IDI2: variants seen among roughly 807,000 people sequenced by gnomAD.
IDI2 encodes the protein isopentenyl-diphosphate delta-isomerase 2.
A neutral mutation model predicts 14.8 loss-of-function variants in IDI2; 18 were observed. The observed-to-expected ratio is 1.22, with a 90% CI of 0.84 to 1.80. IDI2 has a LOEUF of 1.80. Ranked by LOEUF, IDI2 falls within the 40% of genes most tolerant of loss-of-function variation. The probability of loss-of-function intolerance (pLI) is 0.00; values close to 1 mark genes in which losing one functional copy is unlikely to be tolerated. For missense variants in IDI2, 316 were observed against 283.2 expected (o/e 1.12, Z -0.83); for synonymous variants, 133 against 109.6 (o/e 1.21, Z -1.33).
rs1380988443 is a variant in IDI2, at chr10:1,022,533, G to T, written c.235+150C>A. ...TACTGAAGAGCTATCAGCATAATTAGCATCTGCCTAAGCTGCCGATTTTCT... is the reference window on the plus strand; with the variant it reads ...TACTGAAGAGCTATCAGCATAATTATCATCTGCCTAAGCTGCCGATTTTCT... On this transcript the variant is annotated intron_variant, in intron 3 of 4. Transcript: ENST00000277517. The T allele has an allele frequency of 2.0e-5, 12 of 614,080 alleles. No individual in the cohort carries two copies. In the East Asian group the frequency reaches 3.3e-4, roughly 17 times the overall value. 38.0% of individuals were successfully genotyped at this position (614,080 alleles called of 1,614,324 possible). A position where few individuals can be genotyped will look rare whatever the true frequency, so the allele number is the denominator to read the frequency against.
chr10:1,024,622 G>T lies in IDI2; in HGVS notation c.102C>A (p.Asp34Glu). The T allele has an allele frequency of 2.5e-6, 4 of 1,614,120 alleles. No individual in the cohort carries two copies. The highest frequency in any genetic ancestry group is 3.4e-6 in the Non-Finnish European group (4 of 1,180,004). Residue 34 changes from aspartate to glutamate, a missense_variant, in exon 2 of 5, where the codon GAC (aspartate) becomes GAA (glutamate). By Grantham distance (45) the Asp-to-Glu change is conservative. Coordinates refer to ENST00000277517, the MANE Select transcript of IDI2 (RefSeq NM_033261.3). ...CGTTCAGATGGCAATTCCTCTTGGT[G>T]TCGGCACCAATAACCTTATCATTCT... is the stretch of plus-strand genomic sequence containing the variant. ...VDENDKVIGA[D>E]TKRNCHLNEN... is the part of the protein sequence containing the mutation.
rs140484326 is a variant in IDI2, at chr10:1,019,592, C to T, written c.609G>A (p.Arg203=). 8.1e-6 allele frequency: 13 copies of T among 1,614,082 alleles called. No homozygotes were observed. The South Asian group carries it at 1.3e-4, about 16-fold the overall frequency. The part of the protein sequence containing the change: ...VTPWLRTIAE[R]FLYRWWPHLD... ...GGTGAGGCCACCACCGGTACAGAAA[C>T]CTCTCGGCAATGGTTCTTAGCCAGG... Residue 203 remains arginine (R), a synonymous_variant, in exon 5 of 5, where the codon AGG becomes AGA. Transcript: ENST00000277517.
At chr10:1,024,246 C>T (rs1390265311) in intron 2 of IDI2, among the ~76,000 whole-genome samples, 2 of 152,220 alleles carry the variant, frequency 1.3e-5, no homozygotes, top group Admixed American at 6.5e-5. Context: ...CGTGATCAGA[C>T]GTCACCTGGG....
rs928324833 is a variant in IDI2, at chr10:1,020,958, C to G, written c.236-61G>C. 10 of 1,536,322 alleles carry G rather than the reference C, an allele frequency of 6.5e-6. No homozygotes were observed. In the African/African-American group the frequency reaches 8.2e-5, roughly 13 times the overall value. On this transcript the variant is annotated intron_variant, in intron 3 of 4. Transcript: ENST00000277517. ...TCCTGAAAAGTGAATATATTAAATA[C>G]AAATGCAGATGCTTCATGTAAAACC...
chr10:1,023,664 G>A (rs1402625584), intron 2 of IDI2, among the ~76,000 whole-genome samples: 1 of 152,152 alleles, frequency 6.6e-6, no homozygotes, highest in Non-Finnish European at 1.5e-5. Context: ...ACCAGAGGCT[G>A]CGAAGGGCAG....
Position 1,019,491 on chromosome 10 carries a change from C to A in IDI2, c.*26G>T. 6.3e-7 allele frequency: 1 copy of A among 1,586,298 alleles called. No individual in the cohort carries two copies. ...GTCTGCCTGCACTGAGGGCATTACA[C>A]ATGGCTGACTCGACCTCCCTGCCTC... On this transcript the variant is annotated 3_prime_UTR_variant, in exon 5 of 5. Coordinates refer to ENST00000277517, the MANE Select transcript of IDI2 (RefSeq NM_033261.3).
intron 3 of IDI2, among the ~76,000 whole-genome samples, chr10:1,022,011 G>A (rs989317164): frequency 5.3e-5 from 8 of 152,168 alleles, no homozygotes; most frequent in African/African-American, 1.2e-4. Flanking sequence ...TATAATCCCA[G>A]CACTTTGGAA....
chr10:1,020,727 G>C, intron 4 of IDI2, 40 bp downstream of exon 4: 1 of 1,559,166 alleles, frequency 6.4e-7, no homozygotes, highest in Non-Finnish European at 8.7e-7. Context: ...TGCCAACCTG[G>C]ACTCCCGTGG....
chr10:1,025,175 C>G (rs1832193809), intron 1 of IDI2, among the ~76,000 whole-genome samples: 1 of 152,118 alleles, frequency 6.6e-6, no homozygotes, highest in African/African-American at 2.4e-5. Context: ...TGTAGGAAAG[C>G]TACGTCACCC....
chr10:1,024,182 G>A (rs1564475789), intron 2 of IDI2, among the ~76,000 whole-genome samples: 1 of 152,148 alleles, frequency 6.6e-6, no homozygotes, highest in Non-Finnish European at 1.5e-5. Context: ...AAACATCAGT[G>A]GGAAGGGGGT....
intron 4 of IDI2, among the ~76,000 whole-genome samples, chr10:1,020,255 G>A (rs964796740): frequency 2.0e-5 from 3 of 148,794 alleles, no homozygotes; most frequent in African/African-American, 5.0e-5. Flanking sequence ...ATGGAGTCTC[G>A]CTCTGTCGCC....
chr10:1,023,020 A>G (rs1295296018), intron 2 of IDI2, among the ~76,000 whole-genome samples: 1 of 152,178 alleles, frequency 6.6e-6, no homozygotes, highest in Non-Finnish European at 1.5e-5. Context: ...AAATATCCAA[A>G]ATAAAAGAGA....
chr10:1,024,297 G>C (rs1476422173), intron 2 of IDI2, among the ~76,000 whole-genome samples: 1 of 152,220 alleles, frequency 6.6e-6, no homozygotes, highest in Non-Finnish European at 1.5e-5. Context: ...CCAAGGTCAG[G>C]GTTCTCGCTA....
intron 2 of IDI2, among the ~76,000 whole-genome samples, chr10:1,023,661 G>C (rs1251490848): frequency 3.3e-5 from 5 of 152,162 alleles, no homozygotes; most frequent in Non-Finnish European, 7.3e-5. Context: ...GACACCAGAG[G>C]CTGCGAAGGG....
At chr10:1,023,714 A>G (rs1832160859) in intron 2 of IDI2, among the ~76,000 whole-genome samples, 1 of 152,228 alleles carries the variant, frequency 6.6e-6, no homozygotes, top group Admixed American at 6.5e-5. Context: ...AAGTATAAAC[A>G]TACCGCGATA....
intron 3 of IDI2, 34 bp downstream of exon 3, chr10:1,022,649 C>G (rs1832130354): frequency 1.3e-6 from 2 of 1,491,200 alleles, no homozygotes; most frequent in Non-Finnish European, 1.9e-6. Context: ...ATGAGATGCT[C>G]TCTTCAGTCC....
chr10:1,024,886 G>C (rs1372941912), intron 1 of IDI2, 142 bp from the exon 2 acceptor site: 5 of 752,548 alleles, frequency 6.6e-6, no homozygotes, highest in Non-Finnish European at 1.1e-5. Context: ...ACAGTTCTGA[G>C]ATATGGAAGG....
intron 3 of IDI2, 160 bp downstream of exon 3, chr10:1,022,523 A>G: frequency 3.5e-6 from 2 of 576,320 alleles, no homozygotes; most frequent in Middle Eastern, 4.2e-4. Flanking sequence ...AAGAGCTATC[A>G]GCATAATTAG....
intron 2 of IDI2, 32 bp downstream of exon 2, chr10:1,024,550 G>A (rs201849596): frequency 1.9e-6 from 3 of 1,609,394 alleles, no homozygotes; most frequent in Admixed American, 1.7e-5. Flanking sequence ...GAAAACCCTG[G>A]GAACTGGACA....
Sources: gnomAD v4.1 joint callset for allele counts (sites outside exome capture counted in the v4.1 genomes callset) on GRCh38, gnomAD v4.1.1 for gene constraint, MANE v1.5 for transcripts, NCBI Gene and HGNC (gene_info 2026-07-23, HGNC 2026-07-21) for gene names.